Variants in POU2F3 observed in about 807,000 individuals in gnomAD.
POU2F3 encodes POU class 2 homeobox 3.
Under a neutral mutation model 59.2 loss-of-function variants are expected in POU2F3, and 23 were observed. The ratio of observed to expected loss-of-function variants is 0.39; its 90% CI spans 0.28 to 0.55. The LOEUF is 0.55. POU2F3 is among the 20% of genes least tolerant of loss of function. The probability of loss-of-function intolerance (pLI) is 0.66; values close to 1 mark genes in which losing one functional copy is unlikely to be tolerated. For missense variants in POU2F3, 473 were observed against 544.5 expected, an observed-to-expected ratio of 0.87 and a Z score of 1.31; for synonymous variants, 190 against 214.6, an observed-to-expected ratio of 0.89 and a Z score of 1.00.
intron 4 of POU2F3, 84 bp from the exon 5 acceptor site, chr11:120,299,540 C>A: frequency 7.9e-7 from 1 of 1,268,144 alleles, no homozygotes; most frequent in Non-Finnish European, 1.1e-6. Context: ...CTGGAGACCC[C>A]TGGGACGGAC....
In POU2F3 at chr11:120,292,956, CTGAAGCCAAAGCA is replaced by C. The variant is rs1941074093; in HGVS notation, c.133-5307_133-5295del. ...CACTAGCAATGCTATGTCCTAAGAA[CTGAAGCCAAAGCA>C]TTAAATAACATGACTGATAAGATTG... is the stretch of plus-strand genomic sequence containing the variant. On this transcript the variant is annotated intron_variant, in intron 3 of 12. Coordinates refer to ENST00000543440, the MANE Select transcript of POU2F3 (RefSeq NM_014352.4). Among the ~76,000 whole-genome samples, 4 of 152,334 alleles carry C rather than the reference CTGAAGCCAAAGCA, an allele frequency of 2.6e-5. No homozygotes were observed. The South Asian group carries it at 8.3e-4, about 32-fold the overall frequency.
chr11:120,244,518 G>C (rs942639198), intron 1 of POU2F3, among the ~76,000 whole-genome samples: 2 of 152,226 alleles, frequency 1.3e-5, no homozygotes, highest in African/African-American at 4.8e-5. Flanking sequence ...CCCCTAGCTA[G>C]TTAGTGATGG....
At chr11:120,298,510 C>A in intron 4 of POU2F3, 120 bp downstream of exon 4, 2 of 1,390,848 alleles carry the variant, frequency 1.4e-6, no homozygotes, top group Admixed American at 2.1e-5. Context: ...GGAAAGAGAT[C>A]TGGAGGCTGT....
chr11:120,239,958 T>C (rs1306717829), upstream of POU2F3, among the ~76,000 whole-genome samples: 6 of 152,294 alleles, frequency 3.9e-5, no homozygotes, highest in East Asian at 1.2e-3. Flanking sequence ...CCAGGCTGGG[T>C]TGGAGCAGGC....
At chr11:120,273,644 G>A (rs952042194) in intron 3 of POU2F3, among the ~76,000 whole-genome samples, 1 of 152,166 alleles carries the variant, frequency 6.6e-6, no homozygotes, top group Admixed American at 6.5e-5. Flanking sequence ...GGGAGGATGA[G>A]TGATGAACTG....
chr11:120,243,743 A>G (rs1591369650), intron 1 of POU2F3, among the ~76,000 whole-genome samples: 1 of 152,118 alleles, frequency 6.6e-6, no homozygotes, highest in Non-Finnish European at 1.5e-5. Context: ...CTCCTACCCA[A>G]CAGGAACAGG....
Position 120,318,432 on chromosome 11 carries a change from C to T in POU2F3, c.*40C>T, listed in dbSNP as rs748792635. On this transcript the variant is annotated 3_prime_UTR_variant, in exon 13 of 13. Transcript: ENST00000543440. ...TCCTACTCCAGCTGGCCCTGTATTC[C>T]CCCTGGAAGGAAGGGAATCATGCCT... 1 of 1,537,124 alleles carries T rather than the reference C, an allele frequency of 6.5e-7. No individual in the cohort carries two copies. The highest frequency in any genetic ancestry group is 9.0e-7 in the Non-Finnish European group (1 of 1,110,166).
At chr11:120,312,218 G>T (rs1464353742) in intron 10 of POU2F3, among the ~76,000 whole-genome samples, 1 of 152,058 alleles carries the variant, frequency 6.6e-6, no homozygotes, top group Non-Finnish European at 1.5e-5. Flanking sequence ...CCACCTCCTG[G>T]GTTCAAGTAA....
chr11:120,298,011 G>A (rs1047248332), intron 3 of POU2F3, among the ~76,000 whole-genome samples: 2 of 147,766 alleles, frequency 1.4e-5, no homozygotes, highest in South Asian at 2.1e-4. Context: ...TTCCTACATC[G>A]AGCCCTACTT....
intron 3 of POU2F3, among the ~76,000 whole-genome samples, chr11:120,280,614 CAGAG>C (rs560870381): frequency 2.0e-5 from 3 of 148,622 alleles, no homozygotes; most frequent in African/African-American, 7.6e-5. Flanking sequence ...AGAGGACAGA[CAGAG>C]AGAGAGAGAG....
upstream of POU2F3, chr11:120,236,749 G>C (rs910484837): frequency 7.0e-7 from 1 of 1,427,770 alleles, no homozygotes; most frequent in Admixed American, 2.0e-5. Context: ...TCATCTAACT[G>C]AAATGATCAG....
At chr11:120,306,792 G>A (rs1393077607) in intron 8 of POU2F3, among the ~76,000 whole-genome samples, 1 of 152,156 alleles carries the variant, frequency 6.6e-6, no homozygotes, top group Non-Finnish European at 1.5e-5. Flanking sequence ...GCATGGGAGG[G>A]GGCAGGAAGC....
At position 120,305,771 on chromosome 11, in the gene POU2F3, G is replaced by A; in HGVS notation, c.755G>A (p.Trp252Ter). The change falls in exon 8 of 13, where the codon TGG (tryptophan) becomes TAG (stop). Residue 252 changes from tryptophan (W) to a stop codon, truncating the protein, a stop_gained. Transcript: ENST00000543440. LOFTEE classifies it high-confidence loss of function. ...MCKLKPLLEK[W>*]LNDAESSPSD... Reference sequence around the variant, plus strand: ...AAGCTCAAGCCCCTGCTGGAGAAGTGGCTGAATGATGCAGGTAGGCCTCGC... The same window carrying A: ...AAGCTCAAGCCCCTGCTGGAGAAGTAGCTGAATGATGCAGGTAGGCCTCGC... The A allele has an allele frequency of 6.2e-7, 1 of 1,613,682 alleles. No homozygotes were observed. The highest frequency in any genetic ancestry group is 8.5e-7 in the Non-Finnish European group (1 of 1,180,022).
Position 120,317,041 on chromosome 11 carries a change from C to T in POU2F3, c.1136-188C>T, listed in dbSNP as rs553086236. On this transcript the variant is annotated intron_variant, in intron 11 of 12. Coordinates refer to ENST00000543440, the MANE Select transcript of POU2F3 (RefSeq NM_014352.4). The stretch of plus-strand genomic sequence containing the variant: ...GGGCTGCAGAGAGCATTTGTGACGA[C>T]AGCCCCTCTGGGTGTGGGCAGAAGT... 532 of 647,032 alleles carry T rather than the reference C, an allele frequency of 8.2e-4. 1 individual carries two copies. The highest frequency in any genetic ancestry group is 1.3e-3 in the Non-Finnish European group (483 of 370,722). The allele number at this position is 647,032 out of a possible 1,614,324, so 40.1% of individuals were successfully genotyped here.
intron 2 of POU2F3, among the ~76,000 whole-genome samples, chr11:120,257,676 C>T (rs1191454608): frequency 6.6e-6 from 1 of 152,204 alleles, no homozygotes; most frequent in African/African-American, 2.4e-5. Flanking sequence ...CATCTCCACT[C>T]TCTGACAAGC....
At chr11:120,310,834 T>C (rs1405160076) in intron 10 of POU2F3, among the ~76,000 whole-genome samples, 1 of 152,236 alleles carries the variant, frequency 6.6e-6, no homozygotes, top group East Asian at 1.9e-4. Flanking sequence ...AAATATTGTT[T>C]GTTCCCTGTC....
chr11:120,299,922 C>A (rs1377501880), intron 5 of POU2F3, among the ~76,000 whole-genome samples, 196 bp downstream of exon 5: 1 of 152,250 alleles, frequency 6.6e-6, no homozygotes, highest in Non-Finnish European at 1.5e-5. Context: ...GTCTCCTTCT[C>A]TGCTTCCCCT....
rs1941867377 is a variant in POU2F3 at position 120,319,467 on chromosome 11, C to T, written c.*1075C>T. ...TTCTTTTTTTTTTTTTTTTTTGAGA[C>T]AGTCTTGCTCCAGCCCAGGCTGGAG... On this transcript the variant is annotated 3_prime_UTR_variant, in exon 13 of 13. Transcript: ENST00000543440. The T allele has an allele frequency of 8.9e-6, 1 of 112,592 alleles. No individual in the cohort carries two copies. Among genetic ancestry groups the T allele is most frequent in the African/African-American group, 3.6e-5 (1 of 27,446 alleles). 7.0% of individuals were successfully genotyped at this position (112,592 alleles called of 1,614,324 possible). A position where few individuals can be genotyped will look rare whatever the true frequency, so the allele number is the denominator to read the frequency against.
chr11:120,261,387 C>G (rs1939598212), intron 2 of POU2F3: 1 of 152,204 alleles, frequency 6.6e-6, no homozygotes, highest in South Asian at 2.1e-4. Flanking sequence ...GCATTCCCTC[C>G]CAGCCTTATG....
Sources: allele counts gnomAD v4.1 joint callset (sites outside exome capture counted in the v4.1 genomes callset), GRCh38; gene constraint gnomAD v4.1.1; transcripts MANE v1.5; gene names NCBI Gene and HGNC (gene_info 2026-07-23, HGNC 2026-07-21).